SMAD3: variants seen among roughly 807,000 people sequenced by gnomAD.
SMAD3 encodes the protein MAD homolog 3.
Under a neutral mutation model 51.8 loss-of-function variants are expected in SMAD3, and 12 were observed. The ratio of observed to expected loss-of-function variants is 0.23; its 90% CI spans 0.15 to 0.38. SMAD3 has a LOEUF of 0.38. Ranked by LOEUF, SMAD3 falls within the 10% of genes least tolerant of loss-of-function variation. The probability of loss-of-function intolerance (pLI) is 1.00; values close to 1 mark genes in which losing one functional copy is unlikely to be tolerated. For synonymous variants in SMAD3, 238 were observed against 227.7 expected (o/e 1.05, Z -0.41); for missense variants, 294 against 565.6 (o/e 0.52, Z 4.87).
intron 1 of SMAD3, among the ~76,000 whole-genome samples, chr15:67,123,815 T>A (rs1417964222): frequency 1.3e-5 from 2 of 152,312 alleles, no homozygotes; most frequent in East Asian, 3.9e-4. Context: ...TGGGTTCAAC[T>A]GCTAACCTGA....
rs532611989 is a variant in SMAD3 at position 67,187,975 on chromosome 15, C to T, written c.1154+466C>T. ...GTCTTCAGCTCATTGTTCCTCTCCT[C>T]CTCTGTTGCTCCATTTCTGACTCAG... On this transcript the variant is annotated intron_variant, in intron 8 of 8. Transcript: ENST00000327367. Among the ~76,000 whole-genome samples the T allele has an allele frequency of 2.0e-5, 3 of 152,168 alleles. No homozygotes were observed. In the South Asian group the frequency reaches 6.2e-4, roughly 32 times the overall value.
intron 8 of SMAD3, 22 bp downstream of exon 8, chr15:67,187,531 C>T (rs1284373344): frequency 1.9e-6 from 3 of 1,613,928 alleles, no homozygotes; most frequent in Non-Finnish European, 2.5e-6. Context: ...GTGCTGCCTA[C>T]ATCAGGGGAC....
rs1962541593 is a variant in SMAD3, at chr15:67,165,072, G to C, written c.384G>C (p.Gln128His). The part of the protein sequence containing the change: ...DEVCVNPYHY[Q>H]RVETPVLPPV... ...TCTGCGTGAATCCCTACCACTACCA[G>C]AGAGTAGAGACACCAGGTATGCTGC... Residue 128 changes from glutamine (Q) to histidine (H), a missense_variant, in exon 2 of 9, where the codon CAG becomes CAC. By Grantham distance (24) the Gln-to-His change is conservative. Transcript: ENST00000327367. 1 of 1,614,198 alleles carries C rather than the reference G, an allele frequency of 6.2e-7. No homozygotes were observed. The highest frequency in any genetic ancestry group is 8.5e-7 in the Non-Finnish European group (1 of 1,180,040).
intron 1 of SMAD3, among the ~76,000 whole-genome samples, chr15:67,111,667 T>C (rs1961016850): frequency 6.6e-6 from 1 of 152,214 alleles, no homozygotes; most frequent in East Asian, 1.9e-4. Context: ...CTTGTTATTG[T>C]CTGTTTTATT....
At chr15:67,109,709 C>T (rs1960959151) in intron 1 of SMAD3, among the ~76,000 whole-genome samples, 1 of 152,224 alleles carries the variant, frequency 6.6e-6, no homozygotes, top group Non-Finnish European at 1.5e-5. Context: ...ACCCAATGGA[C>T]TGAGAAAACC....
At chr15:67,136,853 A>G (rs905119522) in intron 1 of SMAD3, among the ~76,000 whole-genome samples, 3 of 152,206 alleles carry the variant, frequency 2.0e-5, no homozygotes, top group Non-Finnish European at 2.9e-5. Flanking sequence ...GGGCTTCTCC[A>G]GGTGGGGAGT....
chr15:67,092,557 G>A (rs745855084), intron 1 of SMAD3, among the ~76,000 whole-genome samples: 1 of 152,128 alleles, frequency 6.6e-6, no homozygotes, highest in Admixed American at 6.5e-5. Flanking sequence ...TACACTCTCC[G>A]AGGGCTGCTG....
At chr15:67,090,772 G>A (rs1043991794) in intron 1 of SMAD3, among the ~76,000 whole-genome samples, 4 of 152,190 alleles carry the variant, frequency 2.6e-5, no homozygotes, top group Non-Finnish European at 2.9e-5. Context: ...GTTTTCTGGG[G>A]ATTTAAATCA....
At chr15:67,164,372 T>A (rs1305127646) in intron 1 of SMAD3, among the ~76,000 whole-genome samples, 2 of 151,926 alleles carry the variant, frequency 1.3e-5, no homozygotes, top group Admixed American at 6.6e-5. Context: ...TTTTCTTTTT[T>A]TCCCCTGACT....
chr15:67,098,595 A>G (rs1960672058), intron 1 of SMAD3: 1 of 431,780 alleles, frequency 2.3e-6, no homozygotes, highest in African/African-American at 1.9e-5. Flanking sequence ...ACAGAGGCAA[A>G]CCACAGAGTA....
intron 5 of SMAD3, among the ~76,000 whole-genome samples, chr15:67,171,566 AGAAAT>A (rs1454658407): frequency 6.6e-6 from 1 of 152,240 alleles, no homozygotes. Context: ...GCTCAGGAAA[AGAAAT>A]AGTTAATATT....
intron 1 of SMAD3, chr15:67,146,052 A>G (rs1461610719): frequency 6.6e-6 from 1 of 152,250 alleles, no homozygotes; most frequent in African/African-American, 2.4e-5. Flanking sequence ...AGTGCTTACC[A>G]TAAAACTTGC....
At chr15:67,078,064 G>A (rs1960208927) in intron 1 of SMAD3, 1 of 152,254 alleles carries the variant, frequency 6.6e-6, no homozygotes, top group African/African-American at 2.4e-5. Context: ...ATCCCTTACA[G>A]TACCATGTGG....
At chr15:67,069,862 C>T (rs904733218) in intron 1 of SMAD3, among the ~76,000 whole-genome samples, 4 of 152,128 alleles carry the variant, frequency 2.6e-5, no homozygotes, top group Admixed American at 6.5e-5. Context: ...CCCGCCACCA[C>T]GCCCAGCTAA....
chr15:67,098,688 T>G (rs1259714620), intron 1 of SMAD3: 5 of 570,452 alleles, frequency 8.8e-6, no homozygotes, highest in Non-Finnish European at 1.6e-5. Context: ...GAAAACAAGC[T>G]TCGGGAGTTG....
intron 1 of SMAD3, among the ~76,000 whole-genome samples, chr15:67,103,062 T>C (rs1015870323): frequency 1.3e-5 from 2 of 152,102 alleles, no homozygotes; most frequent in African/African-American, 4.8e-5. Flanking sequence ...TCAGTACACA[T>C]TTTTGAATGC....
At chr15:67,156,675 A>G (rs942870085) in intron 1 of SMAD3, among the ~76,000 whole-genome samples, 1 of 140,998 alleles carries the variant, frequency 7.1e-6, no homozygotes, top group Non-Finnish European at 1.5e-5. Context: ...CAGCAGCTTA[A>G]ATCCATTGTT....
intron 1 of SMAD3, among the ~76,000 whole-genome samples, chr15:67,067,253 C>T (rs1959946675): frequency 6.6e-6 from 1 of 152,172 alleles, no homozygotes; most frequent in East Asian, 1.9e-4. Context: ...TCTGGATCTC[C>T]TTTATCCTTC....
intron 1 of SMAD3, among the ~76,000 whole-genome samples, chr15:67,127,753 G>A (rs991724099): frequency 6.6e-6 from 1 of 152,042 alleles, no homozygotes; most frequent in African/African-American, 2.4e-5. Context: ...TACTGTACAC[G>A]CTTATGGTCA....
Sources: allele counts gnomAD v4.1 joint callset (sites outside exome capture counted in the v4.1 genomes callset), GRCh38; gene constraint gnomAD v4.1.1; transcripts MANE v1.5; gene names NCBI Gene and HGNC (gene_info 2026-07-23, HGNC 2026-07-21).